SH3GL2: variants seen among roughly 807,000 people sequenced by gnomAD.
SH3GL2 encodes the protein endophilin-A1.
SH3GL2 carries 24 observed loss-of-function variants against 46.0 expected under a neutral mutation model. The ratio of observed to expected loss-of-function variants is 0.52; its 90% CI spans 0.38 to 0.73. The LOEUF is 0.73. Ranked by LOEUF, SH3GL2 falls within the 30% of genes least tolerant of loss-of-function variation. The pLI, the probability that SH3GL2 is intolerant of heterozygous loss-of-function variation, is 0.00. For synonymous variants in SH3GL2, 196 were observed against 147.1 expected (o/e 1.33, Z -2.40); for missense variants, 413 against 424.2 (o/e 0.97, Z 0.23).
intron 1 of SH3GL2, among the ~76,000 whole-genome samples, chr9:17,646,045 A>T (rs948836485): frequency 6.6e-6 from 1 of 151,878 alleles, no homozygotes; most frequent in Non-Finnish European, 1.5e-5. Context: ...ACATAGTCCC[A>T]TATTTCTTGG....
intron 3 of SH3GL2, among the ~76,000 whole-genome samples, chr9:17,785,123 AG>A (rs1228301923): frequency 6.6e-6 from 1 of 152,190 alleles, no homozygotes; most frequent in Non-Finnish European, 1.5e-5. Flanking sequence ...ATGTGCTGTT[AG>A]CCTAACTGCT....
At chr9:17,756,423 C>T (rs1822990074) in intron 2 of SH3GL2, among the ~76,000 whole-genome samples, 1 of 150,994 alleles carries the variant, frequency 6.6e-6, no homozygotes, top group African/African-American at 2.4e-5. Flanking sequence ...TGTGCTGCAC[C>T]CATTAACTCG....
intron 1 of SH3GL2, among the ~76,000 whole-genome samples, chr9:17,721,851 C>T (rs997471172): frequency 4.6e-5 from 7 of 151,966 alleles, no homozygotes; most frequent in African/African-American, 1.7e-4. Flanking sequence ...TGTATATCTC[C>T]TATTGGTTCT....
rs10963194 is a variant in SH3GL2, at chr9:17,667,879, T to G, written c.46-79187T>G. 6.6e-5 allele frequency among the ~76,000 whole-genome samples: 10 copies of G among 152,346 alleles called. No homozygotes were observed. In the East Asian group the frequency reaches 1.5e-3, roughly 24 times the overall value. On this transcript the variant is annotated intron_variant, in intron 1 of 8. Transcript: ENST00000380607. ...GTGTGAAATGGTATCTTATTGTGATTTGATTTGTGTTTCTCTTAAGACTAA... is the reference window on the plus strand; with the variant it reads ...GTGTGAAATGGTATCTTATTGTGATGTGATTTGTGTTTCTCTTAAGACTAA...
Position 17,786,487 on chromosome 9 carries a change from C to G in SH3GL2, c.294C>G (p.Leu98=). The G allele has an allele frequency of 1.2e-6, 2 of 1,613,420 alleles. No homozygotes were observed. Among genetic ancestry groups the G allele is most frequent in the Non-Finnish European group, 1.7e-6 (2 of 1,179,666 alleles). The change falls in exon 4 of 9, where the codon CTC becomes CTG. Residue 98 remains leucine (L), a synonymous_variant. Transcript: ENST00000380607. ...AGGCGCTGCTGGCAGAGGCCATGCT[C>G]AAATTTGGAAGAGAGCTTGGAGATG... is the stretch of plus-strand genomic sequence containing the variant. The part of the protein sequence containing the change: ...QAEALLAEAM[L]KFGRELGDDC...
At chr9:17,720,924 G>A (rs1275311532) in intron 1 of SH3GL2, among the ~76,000 whole-genome samples, 3 of 152,096 alleles carry the variant, frequency 2.0e-5, no homozygotes, top group Admixed American at 6.6e-5. Context: ...CTTTCCAGAG[G>A]AAACATTTTG....
At chr9:17,673,317 A>ACT in intron 1 of SH3GL2, among the ~76,000 whole-genome samples, 1 of 110,502 alleles carries the variant, frequency 9.0e-6, no homozygotes, top group Admixed American at 1.1e-4. Flanking sequence ...CCTAGTTTTT[A>ACT]ATTTTTTTTT....
chr9:17,790,008 C>G (rs183551145), intron 6 of SH3GL2, among the ~76,000 whole-genome samples: 366 of 152,272 alleles, frequency 2.4e-3, no homozygotes, highest in Non-Finnish European at 4.4e-3. Context: ...TTCTGAGGAT[C>G]TATGTATAAC....
At chr9:17,614,028 G>T (rs760133916) in intron 1 of SH3GL2, among the ~76,000 whole-genome samples, 1 of 151,860 alleles carries the variant, frequency 6.6e-6, no homozygotes, top group Non-Finnish European at 1.5e-5. Context: ...TTCTTTGGCG[G>T]GTCCACTCAG....
chr9:17,715,440 T>G (rs369429693), intron 1 of SH3GL2, among the ~76,000 whole-genome samples: 16 of 152,058 alleles, frequency 1.1e-4, no homozygotes, highest in East Asian at 5.8e-4. Flanking sequence ...CTCATGAACT[T>G]CACTTACTCT....
At chr9:17,696,491 C>T (rs1417867534) in intron 1 of SH3GL2, among the ~76,000 whole-genome samples, 1 of 152,146 alleles carries the variant, frequency 6.6e-6, no homozygotes, top group Admixed American at 6.5e-5. Context: ...AATTGACTCA[C>T]AGTTCCACAT....
chr9:17,623,320 C>A (rs9407819), intron 1 of SH3GL2, among the ~76,000 whole-genome samples: 1 of 151,540 alleles, frequency 6.6e-6, no homozygotes, highest in Non-Finnish European at 1.5e-5. Context: ...AGCTAGCTGG[C>A]GAGGTTCAGA....
At chr9:17,657,748 T>C (rs184769493) in intron 1 of SH3GL2, among the ~76,000 whole-genome samples, 1 of 152,272 alleles carries the variant, frequency 6.6e-6, no homozygotes, top group South Asian at 2.1e-4. Context: ...ACAATAATGG[T>C]TGTTCTTACA....
intron 1 of SH3GL2, among the ~76,000 whole-genome samples, chr9:17,726,126 T>C (rs1490066985): frequency 6.6e-6 from 1 of 152,182 alleles, no homozygotes; most frequent in Admixed American, 6.5e-5. Flanking sequence ...CTTTAGTTTG[T>C]TTTAAGTAAT....
At chr9:17,723,327 C>G (rs916333800) in intron 1 of SH3GL2, among the ~76,000 whole-genome samples, 6 of 152,090 alleles carry the variant, frequency 3.9e-5, no homozygotes, top group Non-Finnish European at 8.8e-5. Context: ...AATAAGTTCT[C>G]TGGTTGTTTT....
intron 2 of SH3GL2, among the ~76,000 whole-genome samples, chr9:17,747,858 G>C (rs1588297990): frequency 1.3e-5 from 2 of 151,944 alleles, no homozygotes; most frequent in African/African-American, 2.4e-5. Flanking sequence ...ATTTTTTGTA[G>C]AGATGGGGTT....
intron 1 of SH3GL2, among the ~76,000 whole-genome samples, chr9:17,730,199 A>G (rs1822136596): frequency 1.3e-5 from 2 of 152,036 alleles, no homozygotes; most frequent in Non-Finnish European, 2.9e-5. Flanking sequence ...TTGGATTCCT[A>G]GGCTTTTTAT....
chr9:17,633,962 T>C (rs987615396), intron 1 of SH3GL2, among the ~76,000 whole-genome samples: 5 of 152,226 alleles, frequency 3.3e-5, no homozygotes, highest in African/African-American at 1.2e-4. Flanking sequence ...GTGGTATGTT[T>C]CTTGAATGAC....
rs185855651 is a variant in SH3GL2 at position 17,723,300 on chromosome 9, G to A, written c.46-23766G>A. 2.2e-3 allele frequency among the ~76,000 whole-genome samples: 334 copies of A among 152,058 alleles called. 2 individuals carry two copies. The highest frequency in any genetic ancestry group is 7.7e-3 in the African/African-American group (318 of 41,500). Reference sequence around the variant, plus strand: ...CAAACTTCAATATATTATATTTTCAGTTAAAAAATTAGAATGAATAAGTTC... The same window carrying A: ...CAAACTTCAATATATTATATTTTCAATTAAAAAATTAGAATGAATAAGTTC... On this transcript the variant is annotated intron_variant, in intron 1 of 8. Transcript: ENST00000380607.
Sources: allele counts gnomAD v4.1 joint callset (sites outside exome capture counted in the v4.1 genomes callset), GRCh38; gene constraint gnomAD v4.1.1; transcripts MANE v1.5; gene names NCBI Gene and HGNC (gene_info 2026-07-23, HGNC 2026-07-21).